LYZL4: variants seen among roughly 807,000 people sequenced by gnomAD.
The protein encoded by LYZL4 is lysozyme-like protein 4.
A neutral mutation model predicts 17.6 loss-of-function variants in LYZL4; 13 were observed. The observed-to-expected ratio is 0.74, with a 90% CI of 0.48 to 1.18. The LOEUF (loss-of-function observed/expected upper bound fraction) is 1.18, where lower values mean the gene tolerates loss of function less well. LYZL4 is among the 50% of genes most tolerant of loss of function. LYZL4 has a pLI of 0.00. For synonymous variants in LYZL4, 64 were observed against 67.7 expected (o/e 0.95, Z 0.27); for missense variants, 174 against 188.2 (o/e 0.92, Z 0.44).
the LYZL4 span, among the ~76,000 whole-genome samples, chr3:42,390,331 C>T: frequency 9.9e-4 from 151 of 152,354 alleles, no homozygotes; most frequent in Non-Finnish European, 1.9e-3. Flanking sequence ...GCCTCTTTCC[C>T]TAGCCACACC....
the LYZL4 span, among the ~76,000 whole-genome samples, chr3:42,390,647 T>C: frequency 6.6e-6 from 1 of 152,186 alleles, no homozygotes; most frequent in African/African-American, 2.4e-5. Flanking sequence ...TTATATTTAC[T>C]GGAATATGTG....
At chr3:42,373,175 C>T in the LYZL4 span, among the ~76,000 whole-genome samples, 1 of 152,172 alleles carries the variant, frequency 6.6e-6, no homozygotes. Context: ...TGCACCACTG[C>T]ACTCCAGCCT....
downstream of LYZL4, among the ~76,000 whole-genome samples, chr3:42,394,501 G>T (rs1190242160): frequency 6.6e-6 from 1 of 152,156 alleles, no homozygotes; most frequent in African/African-American, 2.4e-5. Flanking sequence ...AGGAGGTTTT[G>T]CAAGGCTTGG....
At chr3:42,371,317 C>T in the LYZL4 span, among the ~76,000 whole-genome samples, 1 of 152,204 alleles carries the variant, frequency 6.6e-6, no homozygotes, top group Non-Finnish European at 1.5e-5. Context: ...CCATTAATCA[C>T]TTTCCAGTGG....
the LYZL4 span, among the ~76,000 whole-genome samples, chr3:42,390,246 T>A: frequency 2.6e-5 from 4 of 152,240 alleles, no homozygotes; most frequent in African/African-American, 9.6e-5. Context: ...GCTGTGTGAA[T>A]GCTTGCCTTA....
At chr3:42,408,386 T>A (rs1177968222) in intron 1 of LYZL4, among the ~76,000 whole-genome samples, 1 of 152,200 alleles carries the variant, frequency 6.6e-6, no homozygotes, top group Non-Finnish European at 1.5e-5. Context: ...TCCAGGGAGC[T>A]GTGCCCTCAT....
the LYZL4 span, among the ~76,000 whole-genome samples, chr3:42,389,144 G>T: frequency 6.6e-6 from 1 of 152,224 alleles, no homozygotes; most frequent in Non-Finnish European, 1.5e-5. Flanking sequence ...CCTCGGAGGT[G>T]CTCATGATGA....
At chr3:42,390,606 T>A in the LYZL4 span, among the ~76,000 whole-genome samples, 892 of 152,012 alleles carry the variant, frequency 5.9e-3, 10 homozygotes, top group African/African-American at 0.02. Flanking sequence ...AGTGGCACGA[T>A]CTCGGCTCAC....
the LYZL4 span, among the ~76,000 whole-genome samples, chr3:42,385,591 T>G: frequency 6.6e-6 from 1 of 151,596 alleles, no homozygotes; most frequent in African/African-American, 2.4e-5. Context: ...ATAAATCCCC[T>G]ACTGAGGAAG....
Position 42,406,446 on chromosome 3 carries a change from T to G in LYZL4, c.292+400A>C, listed in dbSNP as rs1698751475. 1.9e-5 allele frequency among the ~76,000 whole-genome samples: 2 copies of G among 106,148 alleles called. 1 individual carries two copies. The highest frequency in any genetic ancestry group is 7.1e-4 in the South Asian group (2 of 2,828). 69.6% of individuals were successfully genotyped at this position (106,148 alleles called of 152,430 possible). ...TCCAGCCTGGGCGACTCAGTGAGAC[T>G]CCGTCTCAAAAAAAAAAAAAAAAAA... is the stretch of plus-strand genomic sequence containing the variant. On this transcript the variant is annotated intron_variant, in intron 3 of 4. Transcript: ENST00000287748.
At chr3:42,385,294 A>G in the LYZL4 span, among the ~76,000 whole-genome samples, 14 of 152,280 alleles carry the variant, frequency 9.2e-5, no homozygotes, top group Non-Finnish European at 1.9e-4. Context: ...GTGGTCCCAT[A>G]AGATTACAAT....
chr3:42,372,515 C>T, the LYZL4 span, among the ~76,000 whole-genome samples: 4 of 152,190 alleles, frequency 2.6e-5, no homozygotes, highest in African/African-American at 9.7e-5. Flanking sequence ...AGTGATGCAG[C>T]AGGCTTTAAT....
the LYZL4 span, among the ~76,000 whole-genome samples, chr3:42,389,222 G>A: frequency 6.6e-6 from 1 of 152,186 alleles, no homozygotes; most frequent in Non-Finnish European, 1.5e-5. Context: ...AGGCAGAAGG[G>A]AGGTAACAGA....
the LYZL4 span, among the ~76,000 whole-genome samples, chr3:42,386,395 G>GGCCCCCCCCCC: frequency 9.3e-6 from 1 of 107,462 alleles, no homozygotes; most frequent in Non-Finnish European, 1.9e-5. Context: ...GAGCCACCAC[G>GGCCCCCCCCCC]CCCCCCCCCC....
At chr3:42,398,186 A>T (rs1698588446) in intron 4 of LYZL4, among the ~76,000 whole-genome samples, 1 of 151,314 alleles carries the variant, frequency 6.6e-6, no homozygotes, top group Non-Finnish European at 1.5e-5. Flanking sequence ...TGCAGAAGGG[A>T]CTCCTTGGGG....
At chr3:42,366,914 A>AC in the LYZL4 span, among the ~76,000 whole-genome samples, 1 of 152,076 alleles carries the variant, frequency 6.6e-6, no homozygotes, top group African/African-American at 2.4e-5. Context: ...TGAGACCTAG[A>AC]CCCCACCTCT....
chr3:42,394,611 A>G (rs1236644802), downstream of LYZL4, among the ~76,000 whole-genome samples: 1 of 152,214 alleles, frequency 6.6e-6, no homozygotes, highest in East Asian at 1.9e-4. Context: ...TGTTATTGAG[A>G]TTTCCTAATC....
At chr3:42,396,540 T>C (rs1698551295), downstream of LYZL4, among the ~76,000 whole-genome samples, 1 of 152,226 alleles carries the variant, frequency 6.6e-6, no homozygotes, top group Non-Finnish European at 1.5e-5. Context: ...TGCAAAACTC[T>C]CTAACTACAA....
the LYZL4 span, among the ~76,000 whole-genome samples, chr3:42,383,882 A>G: frequency 6.6e-6 from 1 of 152,234 alleles, no homozygotes; most frequent in Non-Finnish European, 1.5e-5. Context: ...TGAATGAATG[A>G]ATGACAAATA....
Sources: allele counts gnomAD v4.1 joint callset (sites outside exome capture counted in the v4.1 genomes callset), GRCh38; gene constraint gnomAD v4.1.1; transcripts MANE v1.5; gene names NCBI Gene and HGNC (gene_info 2026-07-23, HGNC 2026-07-21).